The following PACSIN2 variants were observed in gnomAD, a reference collection of about 807,000 sequenced individuals.
PACSIN2 encodes the protein protein kinase C and casein kinase substrate in neurons protein 2.
In PACSIN2, 25 loss-of-function variants were observed where a neutral mutation model predicts 63.8. The ratio of observed to expected loss-of-function variants is 0.39; its 90% CI spans 0.29 to 0.55. PACSIN2 has a LOEUF of 0.55. Ranked by LOEUF, PACSIN2 falls within the 20% of genes least tolerant of loss-of-function variation. PACSIN2 has a pLI of 0.62. For missense variants in PACSIN2, 518 were observed against 646.9 expected (o/e 0.80, Z 2.16); for synonymous variants, 255 against 256.2 (o/e 1.00, Z 0.05).
intron 1 of PACSIN2, among the ~76,000 whole-genome samples, chr22:42,916,521 G>A (rs1429546003): frequency 3.9e-5 from 6 of 152,106 alleles, no homozygotes; most frequent in Admixed American, 2.0e-4. Flanking sequence ...GAGCAGCAGG[G>A]GCCCTGTCCA....
intron 1 of PACSIN2, among the ~76,000 whole-genome samples, chr22:42,991,252 C>T (rs1239865301): frequency 6.6e-6 from 1 of 152,192 alleles, no homozygotes; most frequent in Non-Finnish European, 1.5e-5. Flanking sequence ...CCCCTCCCAC[C>T]CCCATCCACC....
chr22:42,924,315 A>G (rs1932393874), intron 1 of PACSIN2, among the ~76,000 whole-genome samples: 1 of 152,144 alleles, frequency 6.6e-6, no homozygotes, highest in Admixed American at 6.5e-5. Flanking sequence ...TTCCCACAGT[A>G]ACTCAGTGTT....
chr22:42,924,522 G>A (rs1932406416), intron 1 of PACSIN2, among the ~76,000 whole-genome samples: 1 of 152,044 alleles, frequency 6.6e-6, no homozygotes, highest in African/African-American at 2.4e-5. Flanking sequence ...CCCCCATGCA[G>A]AGTAAAAGCC....
intron 1 of PACSIN2, among the ~76,000 whole-genome samples, chr22:42,940,804 T>C (rs1380408205): frequency 6.6e-6 from 1 of 152,224 alleles, no homozygotes; most frequent in Non-Finnish European, 1.5e-5. Flanking sequence ...CTGTCAAGAA[T>C]AGCCAAAGGG....
Position 42,891,195 on chromosome 22 carries a change from GA to G in PACSIN2, c.218-14del. On this transcript the variant is annotated splice_polypyrimidine_tract_variant and intron_variant, in intron 3 of 10. Coordinates refer to ENST00000263246, the MANE Select transcript of PACSIN2 (RefSeq NM_001184970.3). ...CCGTACTGGGGCCCTGTGCAGGGGAGAGAAGCTGCGGGTCACTCAGCGCCGG... is the reference window on the plus strand; with the variant it reads ...CCGTACTGGGGCCCTGTGCAGGGGAGGAAGCTGCGGGTCACTCAGCGCCGG... 2 of 1,591,558 alleles carry G rather than the reference GA, an allele frequency of 1.3e-6. No homozygotes were observed. Among genetic ancestry groups the G allele is most frequent in the Admixed American group, 3.3e-5 (2 of 59,936 alleles).
At chr22:43,004,259 T>C (rs750017624) in intron 1 of PACSIN2, among the ~76,000 whole-genome samples, 3 of 152,164 alleles carry the variant, frequency 2.0e-5, no homozygotes, top group African/African-American at 7.2e-5. Context: ...CACTATCTGG[T>C]TGCAAGAATT....
intron 1 of PACSIN2, among the ~76,000 whole-genome samples, chr22:43,011,945 G>A (rs999422994): frequency 1.3e-5 from 2 of 151,474 alleles, no homozygotes; most frequent in Non-Finnish European, 2.9e-5. Flanking sequence ...AGGAAATCGA[G>A]ACCATACTGG....
intron 1 of PACSIN2, among the ~76,000 whole-genome samples, chr22:42,941,966 A>C (rs1163152451): frequency 6.6e-6 from 1 of 152,092 alleles, no homozygotes; most frequent in Non-Finnish European, 1.5e-5. Context: ...TAGTAGAGAC[A>C]GGGTTTCACC....
At chr22:42,880,041 T>G (rs1055974926) in intron 7 of PACSIN2, among the ~76,000 whole-genome samples, 3 of 152,226 alleles carry the variant, frequency 2.0e-5, no homozygotes, top group African/African-American at 7.2e-5. Flanking sequence ...CTTGATTTTC[T>G]AGAAGAGTCT....
Position 42,994,745 on chromosome 22 carries a change from G to A in PACSIN2, c.-78+20276C>T, listed in dbSNP as rs144006164. Among the ~76,000 whole-genome samples the A allele has an allele frequency of 2.6e-5, 4 of 152,312 alleles. No homozygotes were observed. In the East Asian group the frequency reaches 5.8e-4, roughly 22 times the overall value. ...ACAGTCACACTGGAAAAAGGGCCCCGGGCAGGGGTCCCACATGCCCCACCT... is the reference window on the plus strand; with the variant it reads ...ACAGTCACACTGGAAAAAGGGCCCCAGGCAGGGGTCCCACATGCCCCACCT... On this transcript the variant is annotated intron_variant, in intron 1 of 10. Transcript: ENST00000263246.
At chr22:43,008,229 T>C (rs1302284958) in intron 1 of PACSIN2, among the ~76,000 whole-genome samples, 4 of 152,176 alleles carry the variant, frequency 2.6e-5, no homozygotes, top group Non-Finnish European at 4.4e-5. Context: ...CCACCTAACA[T>C]CTGTGAGGCT....
chr22:42,996,008 C>G (rs1264440336), intron 1 of PACSIN2, among the ~76,000 whole-genome samples: 1 of 152,054 alleles, frequency 6.6e-6, no homozygotes, highest in Non-Finnish European at 1.5e-5. Flanking sequence ...ATCACAAGGT[C>G]AGGAGATCAA....
At position 42,879,077 on chromosome 22, in the gene PACSIN2, G is replaced by A. The variant is rs200207353; in HGVS notation, c.999C>T (p.Gly333=). The part of the protein sequence containing the change: ...GVTLTGINQT[G]DQSLPSKPSS... Reference sequence around the variant, plus strand: ...TGGGCTTACTCGGCAGAGACTGGTCGCCTGTCTGGTTGATGCCCGTCAGGG... The same window carrying A: ...TGGGCTTACTCGGCAGAGACTGGTCACCTGTCTGGTTGATGCCCGTCAGGG... The change falls in exon 8 of 11, where the codon GGC becomes GGT. Residue 333 remains glycine, a synonymous_variant. Transcript: ENST00000263246. 1.3e-4 allele frequency: 213 copies of A among 1,614,064 alleles called. No homozygotes were observed. In the African/African-American group the frequency reaches 2.2e-3, roughly 17 times the overall value.
chr22:43,013,807 CAGTGTA>C (rs1924660885), intron 1 of PACSIN2, among the ~76,000 whole-genome samples: 1 of 152,202 alleles, frequency 6.6e-6, no homozygotes, highest in Admixed American at 6.5e-5. Flanking sequence ...ATTTGGTAAA[CAGTGTA>C]CCAAGTAGCC....
intron 1 of PACSIN2, among the ~76,000 whole-genome samples, chr22:42,963,221 C>A (rs751252937): frequency 8.5e-5 from 13 of 152,212 alleles, no homozygotes; most frequent in Non-Finnish European, 1.8e-4. Context: ...AATGTACAGG[C>A]TGAGCAGAAG....
chr22:42,947,679 G>T lies in PACSIN2; in HGVS notation c.-77-35522C>A, dbSNP rs9623722. ...TCTTCACAAGACCCCTGGGGGTGGG[G>T]GGGGGGACCTCTTAATGATCCAGCT... On this transcript the variant is annotated intron_variant, in intron 1 of 10. Coordinates refer to ENST00000263246, the MANE Select transcript of PACSIN2 (RefSeq NM_001184970.3). 1.4e-3 allele frequency among the ~76,000 whole-genome samples: 198 copies of T among 139,600 alleles called. 1 individual carries two copies. The highest frequency in any genetic ancestry group is 7.2e-3 in the Middle Eastern group (2 of 276). The allele number at this position is 139,600 out of a possible 152,430, so 91.6% of individuals were successfully genotyped here. A position where few individuals can be genotyped will look rare whatever the true frequency, so the allele number is the denominator to read the frequency against.
intron 1 of PACSIN2, among the ~76,000 whole-genome samples, chr22:42,940,134 G>A (rs1434216827): frequency 1.5e-4 from 23 of 152,130 alleles, no homozygotes; most frequent in Admixed American, 1.5e-3. Flanking sequence ...CTCCACAGAT[G>A]TTACCTAGTA....
At chr22:42,981,772 G>A (rs1380002171) in intron 1 of PACSIN2, among the ~76,000 whole-genome samples, 2 of 125,738 alleles carry the variant, frequency 1.6e-5, no homozygotes, top group African/African-American at 6.3e-5. Flanking sequence ...CCAGGAGGGA[G>A]GTGGGTGGGT....
At chr22:42,873,440 G>C (rs1179912632) in intron 10 of PACSIN2, among the ~76,000 whole-genome samples, 2 of 152,222 alleles carry the variant, frequency 1.3e-5, no homozygotes, top group Non-Finnish European at 2.9e-5. Flanking sequence ...AACCAGCCCA[G>C]GGGAAGAGTG....
Sources: allele counts gnomAD v4.1 joint callset (sites outside exome capture counted in the v4.1 genomes callset), GRCh38; gene constraint gnomAD v4.1.1; transcripts MANE v1.5; gene names NCBI Gene and HGNC (gene_info 2026-07-23, HGNC 2026-07-21).